TKTL1: variants seen among roughly 807,000 people sequenced by gnomAD.
The protein encoded by TKTL1 is transketolase like 1, also known as transketolase-like protein 1.
In TKTL1, 1 loss-of-function variant was observed where a neutral mutation model predicts 39.3. The ratio of observed to expected loss-of-function variants is 0.03; its 90% confidence interval spans 0.01 to 0.12. The LOEUF is 0.12. Ranked by LOEUF, TKTL1 falls within the 10% of genes least tolerant of loss-of-function variation. The pLI is 1.00. For missense variants in TKTL1, 575 were observed against 509.6 expected (o/e 1.13, Z -1.24); for synonymous variants, 262 against 193.8 (o/e 1.35, Z -2.92).
At chrX:154,309,307 C>A in intron 2 of TKTL1, 38 bp from the exon 3 acceptor site, 1 of 1,115,317 alleles carries the variant, frequency 9.0e-7, no homozygotes, top group Non-Finnish European at 1.2e-6. Context: ...CCATGTCCTG[C>A]AGCTGCGTCT....
intron 5 of TKTL1, among the ~76,000 whole-genome samples, chrX:154,312,247 C>T (rs1310151576): frequency 1.8e-5 from 2 of 112,559 alleles, no homozygotes; most frequent in African/African-American, 6.5e-5. Flanking sequence ...GGTGCAATGG[C>T]TTGCACCTGT....
At chrX:154,319,367 A>C (rs971559422) in intron 7 of TKTL1, among the ~76,000 whole-genome samples, 1 of 112,490 alleles carries the variant, frequency 8.9e-6, no homozygotes, top group African/African-American at 3.2e-5. Flanking sequence ...TCTGCACTCC[A>C]GGATGATCCC....
chrX:154,329,169 G>A (rs56410358), intron 12 of TKTL1, among the ~76,000 whole-genome samples: 8,961 of 111,959 alleles, frequency 0.08, 381 homozygotes, highest in Middle Eastern at 0.19. Flanking sequence ...AGTAGCAAGG[G>A]AACCTTCACG....
At chrX:154,303,252 C>CT (rs1557166379) in intron 1 of TKTL1, among the ~76,000 whole-genome samples, 1 of 104,082 alleles carries the variant, frequency 9.6e-6, no homozygotes, top group African/African-American at 3.5e-5. Flanking sequence ...CACTCTGTTG[C>CT]TCAGCCTAGA....
Position 154,329,620 on chromosome X carries a change from T to C in TKTL1, c.1723T>C (p.Leu575=). ...GCCCCAGAGTGGGAAGTCCGAGGAATTGCTGGATATGTATGGAATTAGTGC... is the reference window on the plus strand; with the variant it reads ...GCCCCAGAGTGGGAAGTCCGAGGAACTGCTGGATATGTATGGAATTAGTGC... ...GVPQSGKSEE[L]LDMYGISARH... is the part of the protein sequence containing the mutation. The change falls in exon 13 of 13, where the codon TTG becomes CTG. Residue 575 remains leucine (L), a synonymous_variant. Coordinates refer to ENST00000369915, the MANE Select transcript of TKTL1 (RefSeq NM_012253.4). 6 of 1,211,786 alleles carry C rather than the reference T, an allele frequency of 5.0e-6. No individual in the cohort carries two copies. The highest frequency in any genetic ancestry group is 6.7e-6 in the Non-Finnish European group (6 of 895,454).
chrX:154,305,284 G>A lies in TKTL1; in HGVS notation c.135-20G>A. 8.3e-7 allele frequency: 1 copy of A among 1,200,230 alleles called. No homozygotes were observed. The highest frequency in any genetic ancestry group is 3.0e-5 in the East Asian group (1 of 33,484). On this transcript the variant is annotated intron_variant, in intron 1 of 12. Transcript: ENST00000369915. ...AGCCAGTTGCTGTGAGAAATGACCA[G>A]TGTCATGTCTGTCTTTCAGCCACCC...
chrX:154,326,910 A>G (rs1478878308), intron 10 of TKTL1, among the ~76,000 whole-genome samples: 2 of 112,305 alleles, frequency 1.8e-5, no homozygotes, highest in Non-Finnish European at 3.8e-5. Context: ...GGACATCCTT[A>G]AAGAATGGGG....
intron 7 of TKTL1, among the ~76,000 whole-genome samples, chrX:154,318,852 A>T (rs149842104): frequency 0.015 from 1,606 of 109,969 alleles, 33 homozygotes; most frequent in African/African-American, 0.05. Context: ...TCCAATTTCC[A>T]TTCCATTCAT....
intron 10 of TKTL1, among the ~76,000 whole-genome samples, chrX:154,326,257 AC>A (rs2067492738): frequency 8.9e-6 from 1 of 111,823 alleles, no homozygotes; most frequent in African/African-American, 3.3e-5. Context: ...CACCACGCTG[AC>A]CATCCCCTGC....
chrX:154,316,175 TTC>T (rs782062398), intron 7 of TKTL1, among the ~76,000 whole-genome samples: 6 of 111,417 alleles, frequency 5.4e-5, no homozygotes, highest in African/African-American at 2.0e-4. Flanking sequence ...GTTCACGACA[TTC>T]TCCTGCCTCA....
chrX:154,322,377 C>T (rs1328957287), intron 8 of TKTL1, among the ~76,000 whole-genome samples: 2 of 109,152 alleles, frequency 1.8e-5, no homozygotes, highest in Non-Finnish European at 3.8e-5. Flanking sequence ...ACTAAAAATA[C>T]AAAACTTAGC....
rs1557172716 is a variant in TKTL1, at chrX:154,329,515, G to C, written c.1619-1G>C. ...AGGGCCTAACATCCTTGTTTCCCCA[G>C]GTGGCATCGGGGAAGCTGTCTGCGC... On this transcript the variant is annotated splice_acceptor_variant, in intron 12 of 12. Coordinates refer to ENST00000369915, the MANE Select transcript of TKTL1 (RefSeq NM_012253.4). LOFTEE classifies it high-confidence loss of function. 1 of 1,208,975 alleles carries C rather than the reference G, an allele frequency of 8.3e-7. No homozygotes were observed.
chrX:154,297,012 G>C lies in TKTL1; in HGVS notation c.134+1019G>C, dbSNP rs1290128469. 3.6e-5 allele frequency among the ~76,000 whole-genome samples: 4 copies of C among 111,862 alleles called. No individual in the cohort carries two copies. In the Admixed American group the frequency reaches 3.8e-4, roughly 11 times the overall value. On this transcript the variant is annotated intron_variant, in intron 1 of 12. Coordinates refer to ENST00000369915, the MANE Select transcript of TKTL1 (RefSeq NM_012253.4). ...CTCAAAGAAAAAAAAGTTAAACCCA[G>C]CTGAGGGCGGTGGCTCACGCCTGCA... is the stretch of plus-strand genomic sequence containing the variant.
intron 7 of TKTL1, among the ~76,000 whole-genome samples, chrX:154,316,012 C>T (rs782316754): frequency 1.8e-5 from 2 of 111,863 alleles, no homozygotes; most frequent in East Asian, 2.8e-4. Flanking sequence ...TGTCATTAGG[C>T]CAGAAAACCA....
intron 1 of TKTL1, among the ~76,000 whole-genome samples, chrX:154,297,853 T>C (rs1292905019): frequency 8.9e-6 from 1 of 111,736 alleles, no homozygotes; most frequent in East Asian, 2.8e-4. Flanking sequence ...TGCAGTGAAC[T>C]AAGATTGTGC....
chrX:154,312,175 GTC>G (rs2067363086), intron 5 of TKTL1, among the ~76,000 whole-genome samples: 1 of 112,325 alleles, frequency 8.9e-6, no homozygotes, highest in Non-Finnish European at 1.9e-5. Flanking sequence ...TGCCCTACCT[GTC>G]TCTCCAGCCT....
chrX:154,328,333 G>A (rs2067509309), intron 12 of TKTL1, among the ~76,000 whole-genome samples: 1 of 108,764 alleles, frequency 9.2e-6, no homozygotes, highest in South Asian at 4.0e-4. Context: ...ATCACTTGAG[G>A]CCAGAAGCTC....
chrX:154,325,449 T>C (rs2067486736), intron 10 of TKTL1, 27 bp downstream of exon 10: 3 of 1,129,219 alleles, frequency 2.7e-6, no homozygotes, highest in Non-Finnish European at 3.7e-6. Flanking sequence ...TCCTGCGTTA[T>C]TCAGTATCAT....
chrX:154,299,583 C>T (rs1557165477), intron 1 of TKTL1, among the ~76,000 whole-genome samples: 1 of 111,075 alleles, frequency 9.0e-6, no homozygotes, highest in African/African-American at 3.3e-5. Flanking sequence ...ACATTGTCCC[C>T]AATATGTAGT....
Sources: gnomAD v4.1 joint callset for allele counts (sites outside exome capture counted in the v4.1 genomes callset) on GRCh38, gnomAD v4.1.1 for gene constraint, MANE v1.5 for transcripts, NCBI Gene and HGNC (gene_info 2026-07-23, HGNC 2026-07-21) for gene names.